CPNE9: variants seen among roughly 807,000 people sequenced by gnomAD.
CPNE9 encodes the protein copine-9.
CPNE9 carries 59 observed loss-of-function variants against 83.0 expected under a neutral mutation model. The ratio of observed to expected loss-of-function variants is 0.71; its 90% CI spans 0.58 to 0.88. CPNE9 has a LOEUF of 0.88. Ranked by LOEUF, CPNE9 falls within the 40% of genes least tolerant of loss-of-function variation. The probability of loss-of-function intolerance (pLI) is 0.00; values close to 1 mark genes in which losing one functional copy is unlikely to be tolerated. For missense variants in CPNE9, 619 were observed against 720.8 expected, an observed-to-expected ratio of 0.86 and a Z score of 1.62; for synonymous variants, 256 against 273.4, an observed-to-expected ratio of 0.94 and a Z score of 0.63.
At chr3:9,715,819 G>C (rs1488606884) in intron 13 of CPNE9, among the ~76,000 whole-genome samples, 155 bp from the exon 14 acceptor site, 1 of 152,154 alleles carries the variant, frequency 6.6e-6, no homozygotes, top group Admixed American at 6.5e-5. Flanking sequence ...CTTTTCCCCT[G>C]TCAGAAGTTG....
At chr3:9,723,819 C>T (rs569695663) in intron 17 of CPNE9, among the ~76,000 whole-genome samples, 1 of 152,352 alleles carries the variant, frequency 6.6e-6, no homozygotes, top group South Asian at 2.1e-4. Context: ...GCTTGGATTA[C>T]AGGCGTGAGC....
At chr3:9,705,439 C>CCCCCCCCCCCTGCCCAAA in intron 4 of CPNE9, 25 bp from the exon 5 acceptor site, 1 of 1,500,084 alleles carries the variant, frequency 6.7e-7, no homozygotes, top group Non-Finnish European at 9.1e-7. Context: ...AGCCCCACCC[C>CCCCCCCCCCCTGCCCAAA]ACACCGGTTC....
chr3:9,713,565 A>G (rs1392042287), intron 10 of CPNE9, among the ~76,000 whole-genome samples: 2 of 152,074 alleles, frequency 1.3e-5, no homozygotes, highest in Non-Finnish European at 2.9e-5. Flanking sequence ...TTGGTAAATG[A>G]GAGTTTGATG....
chr3:9,713,000 G>T lies in CPNE9; in HGVS notation c.571G>T (p.Val191Phe). 1 of 1,614,182 alleles carries T rather than the reference G, an allele frequency of 6.2e-7. No homozygotes were observed. The highest frequency in any genetic ancestry group is 8.5e-7 in the Non-Finnish European group (1 of 1,180,036). Residue 191 changes from valine (V) to phenylalanine (F), a missense_variant, in exon 10 of 21, where the codon GTT becomes TTT. Around this residue, in one of 3 missense-constraint regions of CPNE9, gnomAD observed 438 missense variants for 562.9 expected, o/e 0.78. Transcript: ENST00000383832. ...GTTCACCATCTGCCACAAGACAGAG[G>T]TTGTGAAAAACACGCTGAATCCTGT... is the stretch of plus-strand genomic sequence containing the variant. ...GTFTICHKTE[V>F]VKNTLNPVWQ...
At position 9,721,443 on chromosome 3, in the gene CPNE9, C is replaced by T. The variant is rs531813839; in HGVS notation, c.1241+2841C>T. 2.6e-5 allele frequency among the ~76,000 whole-genome samples: 4 copies of T among 152,260 alleles called. No individual in the cohort carries two copies. The South Asian group carries it at 8.3e-4, about 32-fold the overall frequency. ...AAAAGGTGTTTTAAGTACTTATAGT[C>T]TTATGTACTTATAGTCATCTAGCTT... is the stretch of plus-strand genomic sequence containing the variant. On this transcript the variant is annotated intron_variant, in intron 17 of 20. Transcript: ENST00000383832.
In CPNE9 at chr3:9,722,358, G is replaced by A. The variant is rs183063636; in HGVS notation, c.1242-3591G>A. On this transcript the variant is annotated intron_variant, in intron 17 of 20. Transcript: ENST00000383832. ...CTGCTGTTTCCCACTCTACAGCCAA[G>A]TGAGGCATAGACTGGCCTCCTCTGG... 2.0e-5 allele frequency among the ~76,000 whole-genome samples: 3 copies of A among 152,318 alleles called. No homozygotes were observed. In the East Asian group the frequency reaches 5.8e-4, roughly 29 times the overall value.
At chr3:9,711,167 G>C (rs2076623111) in intron 7 of CPNE9, among the ~76,000 whole-genome samples, 1 of 152,140 alleles carries the variant, frequency 6.6e-6, no homozygotes. Context: ...GAGGCAACAG[G>C]ATCAACAATT....
At chr3:9,708,420 G>A (rs1026555895) in intron 7 of CPNE9, among the ~76,000 whole-genome samples, 11 of 152,222 alleles carry the variant, frequency 7.2e-5, no homozygotes, top group African/African-American at 2.4e-4. Flanking sequence ...AATGAAGTAG[G>A]AGAAGAACCA....
chr3:9,707,047 T>C (rs1025662853), intron 7 of CPNE9, among the ~76,000 whole-genome samples: 7 of 152,150 alleles, frequency 4.6e-5, no homozygotes, highest in Middle Eastern at 3.4e-3. Context: ...TGGTGCTAGC[T>C]GTGGGGTTAA....
rs753859449 is a variant in CPNE9 at position 9,717,118 on chromosome 3, G to GAGTGAAAA, written c.931+18_931+25dup. The GAGTGAAAA allele has an allele frequency of 4.3e-6, 7 of 1,614,092 alleles. No individual in the cohort carries two copies. The highest frequency in any genetic ancestry group is 4.2e-6 in the Non-Finnish European group (5 of 1,179,950). On this transcript the variant is annotated intron_variant, in intron 15 of 20. Transcript: ENST00000383832. ...CGGCTTCCAATGGTGAGACACGGATGAGTGAAAAAGTCGGAGGTGGGAAGG... is the reference window on the plus strand; with the variant it reads ...CGGCTTCCAATGGTGAGACACGGATGAGTGAAAAAGTGAAAAAGTCGGAGGTGGGAAGG...
chr3:9,723,338 G>C (rs923339759), intron 17 of CPNE9, among the ~76,000 whole-genome samples: 2 of 152,112 alleles, frequency 1.3e-5, no homozygotes, highest in African/African-American at 2.4e-5. Flanking sequence ...CGGGCATGGT[G>C]GTGGGCGCCT....
chr3:9,709,598 T>G (rs148898162), intron 7 of CPNE9, among the ~76,000 whole-genome samples: 1,774 of 151,514 alleles, frequency 0.012, 36 homozygotes, highest in African/African-American at 0.04. Flanking sequence ...TTGAACGCCT[T>G]ACCTCGTGAT....
Position 9,704,449 on chromosome 3 carries a change from G to GA in CPNE9, c.69-137dup, listed in dbSNP as rs1325910276. The GA allele has an allele frequency of 2.9e-5, 23 of 799,224 alleles. No homozygotes were observed. In the East Asian group the frequency reaches 3.6e-4, roughly 13 times the overall value. The allele number at this position is 799,224 out of a possible 1,614,324, so 49.5% of individuals were successfully genotyped here. A position where few individuals can be genotyped will look rare whatever the true frequency, so the allele number is the denominator to read the frequency against. On this transcript the variant is annotated intron_variant, in intron 1 of 20. Coordinates refer to ENST00000383832, the MANE Select transcript of CPNE9 (RefSeq NM_153635.3). The surrounding 1 kb of genome is among the most constrained non-coding windows in gnomAD (Gnocchi z 7.1). ...TGCTGTCCAGAGTGCTGACAGAGCG[G>GA]ACCCCGGCTGGGGGTAGCCATGGGG...
Position 9,704,007 on chromosome 3 carries a change from G to T in CPNE9, c.11G>T (p.Gly4Val). ...GTCGCCCGACCAGCCATGTCTCTCG[G>T]CGGAGCCTCCGAGCGCAGCGTCCCG... is the stretch of plus-strand genomic sequence containing the variant. Reference protein sequence around the residue: MSLGGASERSVPAT... With the variant: MSLVGASERSVPAT... The change falls in exon 1 of 21, where the codon GGC becomes GTC. Residue 4 changes from glycine (G) to valine (V), a missense_variant. Transcript: ENST00000383832. The surrounding 1 kb of genome is among the most constrained non-coding windows in gnomAD (Gnocchi z 7.1). The T allele has an allele frequency of 1.2e-6, 2 of 1,606,608 alleles. No individual in the cohort carries two copies. Among genetic ancestry groups the T allele is most frequent in the Non-Finnish European group, 1.7e-6 (2 of 1,178,318 alleles).
intron 10 of CPNE9, among the ~76,000 whole-genome samples, chr3:9,713,878 T>C (rs2076653234): frequency 6.6e-6 from 1 of 152,034 alleles, no homozygotes; most frequent in Admixed American, 6.5e-5. Flanking sequence ...GAGACCATCC[T>C]GGCTAACACG....
Position 9,704,902 on chromosome 3 carries a change from C to T in CPNE9, c.168C>T (p.Thr56=), listed in dbSNP as rs1272915216. 6.2e-7 allele frequency: 1 copy of T among 1,613,232 alleles called. No homozygotes were observed. Among genetic ancestry groups the T allele is most frequent in the Non-Finnish European group, 8.5e-7 (1 of 1,179,762 alleles). The change falls in exon 4 of 21, where the codon ACC becomes ACT. Residue 56 remains threonine, a synonymous_variant. Coordinates refer to ENST00000383832, the MANE Select transcript of CPNE9 (RefSeq NM_153635.3). This position sits in a 1 kb window ranked among gnomAD's most constrained non-coding sequence, Gnocchi z 7.1. Reference sequence around the variant, plus strand: ...ACCCCCCTACCCAGTTCGGACGGACCGAGGTGATTGATAACACGCTGAACC... The same window carrying T: ...ACCCCCCTACCCAGTTCGGACGGACTGAGGTGATTGATAACACGCTGAACC... The part of the protein sequence containing the change: ...ASQEWREFGR[T]EVIDNTLNPD...
intron 13 of CPNE9, 92 bp from the exon 14 acceptor site, chr3:9,715,882 G>A (rs1192723605): frequency 2.0e-5 from 21 of 1,073,878 alleles, no homozygotes; most frequent in African/African-American, 6.2e-5. Context: ...CTCCCATCAC[G>A]TGCCTCTTTC....
At chr3:9,711,227 G>C (rs1442203905) in intron 7 of CPNE9, among the ~76,000 whole-genome samples, 1 of 152,118 alleles carries the variant, frequency 6.6e-6, no homozygotes, top group African/African-American at 2.4e-5. Flanking sequence ...TTTTGAGACA[G>C]AGTCTTACTC....
chr3:9,725,682 A>ATGTGTTTATATATG (rs55757225), intron 17 of CPNE9, among the ~76,000 whole-genome samples: 1 of 123,024 alleles, frequency 8.1e-6, no homozygotes, highest in Admixed American at 8.0e-5. Context: ...ATGTGTATAT[A>ATGTGTTTATATATG]TATATACATA....
Sources: allele counts gnomAD v4.1 joint callset (sites outside exome capture counted in the v4.1 genomes callset), GRCh38; gene constraint gnomAD v4.1.1; regional missense constraint gnomAD v4.1.1; non-coding constraint Gnocchi (gnomAD v3.1); transcripts MANE v1.5; gene names NCBI Gene and HGNC (gene_info 2026-07-23, HGNC 2026-07-21).